The following NTRK2 variants were observed in gnomAD, a reference collection of about 807,000 sequenced individuals.
The protein encoded by NTRK2 is neurotrophic receptor tyrosine kinase 2.
Under a neutral mutation model 94.5 loss-of-function variants are expected in NTRK2, and 13 were observed. The observed-to-expected ratio is 0.14, with a 90% CI of 0.09 to 0.22. The LOEUF is 0.22. Among genes scored for constraint, NTRK2 ranks in the 10% least tolerant of loss-of-function variants. NTRK2 has a pLI of 1.00. For synonymous variants in NTRK2, 372 were observed against 407.4 expected, an observed-to-expected ratio of 0.91 and a Z score of 1.05; for missense variants, 639 against 1,071.2, an observed-to-expected ratio of 0.60 and a Z score of 5.63.
At chr9:84,891,248 AG>A (rs1436365004) in intron 14 of NTRK2, among the ~76,000 whole-genome samples, 1 of 144,904 alleles carries the variant, frequency 6.9e-6, no homozygotes, top group Non-Finnish European at 1.5e-5. Flanking sequence ...TTTTAAAAAA[AG>A]TGCCAGGCCT....
In NTRK2 at chr9:85,026,257, A is replaced by T. The variant is rs1055085752; in HGVS notation, c.*4820A>T. The T allele has an allele frequency of 8.6e-6, 2 of 231,232 alleles. No individual in the cohort carries two copies. Among genetic ancestry groups the T allele is most frequent in the Admixed American group, 5.6e-5 (1 of 17,716 alleles). 14.3% of individuals were successfully genotyped at this position (231,232 alleles called of 1,614,324 possible). On this transcript the variant is annotated 3_prime_UTR_variant, in exon 19 of 19. Coordinates refer to ENST00000277120, the MANE Select transcript of NTRK2 (RefSeq NM_006180.6). ...TACATCTCAGGAGACGAAATGAGAA[A>T]AGATGGGGATGTCATTTTTTAGTCT...
intron 14 of NTRK2, among the ~76,000 whole-genome samples, chr9:84,869,420 A>G (rs2075741935): frequency 6.6e-6 from 1 of 152,188 alleles, no homozygotes; most frequent in South Asian, 2.1e-4. Context: ...CCAGGCAACA[A>G]GTCACTATAC....
intron 17 of NTRK2, among the ~76,000 whole-genome samples, chr9:84,987,624 C>T (rs945357662): frequency 2.0e-5 from 3 of 152,060 alleles, no homozygotes; most frequent in Non-Finnish European, 4.4e-5. Context: ...AATTATTTTT[C>T]TTAGCAGAAG....
At position 84,876,416 on chromosome 9, in the gene NTRK2, A is replaced by G; in HGVS notation, c.1633+8985A>G. 3 of 1,054,638 alleles carry G rather than the reference A, an allele frequency of 2.8e-6. No individual in the cohort carries two copies. The South Asian group carries it at 1.4e-4, about 48-fold the overall frequency. 65.3% of individuals were successfully genotyped at this position (1,054,638 alleles called of 1,614,324 possible). A position where few individuals can be genotyped will look rare whatever the true frequency, so the allele number is the denominator to read the frequency against. ...ATCCATTTATGTTTTCATGCTCAAT[A>G]CTTACTCCCCTTCCCTGCAACACCC... On this transcript the variant is annotated intron_variant, in intron 14 of 18. Transcript: ENST00000277120.
intron 17 of NTRK2, among the ~76,000 whole-genome samples, chr9:84,960,548 TTGAC>T (rs1183182977): frequency 1.3e-5 from 2 of 152,222 alleles, no homozygotes; most frequent in Non-Finnish European, 2.9e-5. Context: ...GATAGATTGA[TTGAC>T]TGACTGATTG....
chr9:85,005,579 A>T (rs1274032991), intron 17 of NTRK2, among the ~76,000 whole-genome samples: 2 of 152,222 alleles, frequency 1.3e-5, no homozygotes, highest in African/African-American at 4.8e-5. Flanking sequence ...ACAGATACAG[A>T]TATAGACACA....
At chr9:84,789,510 CA>C (rs1286945457) in intron 12 of NTRK2, among the ~76,000 whole-genome samples, 6 of 152,154 alleles carry the variant, frequency 3.9e-5, no homozygotes, top group African/African-American at 1.4e-4. Context: ...CAAAGAAAGA[CA>C]AGTTTGAATG....
chr9:84,953,817 C>T (rs1823770450), intron 16 of NTRK2, among the ~76,000 whole-genome samples: 2 of 152,222 alleles, frequency 1.3e-5, no homozygotes, highest in Admixed American at 1.3e-4. Flanking sequence ...TTCCCAGGAT[C>T]ATGGCATTGG....
intron 2 of NTRK2, among the ~76,000 whole-genome samples, chr9:84,678,040 C>T (rs1388154927): frequency 6.6e-6 from 1 of 152,160 alleles, no homozygotes; most frequent in African/African-American, 2.4e-5. Flanking sequence ...ATTGTCTACA[C>T]ACACACACAT....
At chr9:84,962,653 T>G (rs1342890148) in intron 17 of NTRK2, among the ~76,000 whole-genome samples, 4 of 152,230 alleles carry the variant, frequency 2.6e-5, no homozygotes. Context: ...AGAAGGACTC[T>G]GATGCCTCAA....
chr9:84,686,736 A>G (rs1006925093), intron 2 of NTRK2, among the ~76,000 whole-genome samples: 1 of 152,204 alleles, frequency 6.6e-6, no homozygotes, highest in African/African-American at 2.4e-5. Context: ...TGAATGTTTC[A>G]TGGGGCTTCC....
chr9:85,000,909 TC>T (rs1465380527), intron 17 of NTRK2, among the ~76,000 whole-genome samples: 10 of 152,222 alleles, frequency 6.6e-5, no homozygotes, highest in African/African-American at 2.2e-4. Context: ...TTGCTCCACA[TC>T]CTCATCAACA....
At chr9:84,895,448 G>A (rs1429803970) in intron 14 of NTRK2, among the ~76,000 whole-genome samples, 1 of 152,162 alleles carries the variant, frequency 6.6e-6, no homozygotes, top group Non-Finnish European at 1.5e-5. Flanking sequence ...AAATCCTAGA[G>A]GAGAGACAGG....
intron 17 of NTRK2, among the ~76,000 whole-genome samples, chr9:84,998,442 C>A (rs1830004963): frequency 6.6e-6 from 1 of 152,190 alleles, no homozygotes; most frequent in Non-Finnish European, 1.5e-5. Context: ...TGTCTGGCTA[C>A]CAGCTCTTCT....
chr9:84,793,295 CA>C (rs112839690), intron 12 of NTRK2, among the ~76,000 whole-genome samples: 4 of 150,804 alleles, frequency 2.7e-5, no homozygotes, highest in Non-Finnish European at 4.4e-5. Flanking sequence ...GAAAACAATC[CA>C]AAAAAAAAAT....
At chr9:84,999,045 T>A (rs1380225555) in intron 17 of NTRK2, among the ~76,000 whole-genome samples, 1 of 152,234 alleles carries the variant, frequency 6.6e-6, no homozygotes, top group Non-Finnish European at 1.5e-5. Context: ...GCACACTCTT[T>A]AGTGCCTCCT....
Position 84,778,522 on chromosome 9 carries a change from G to T in NTRK2, c.1396+26437G>T, listed in dbSNP as rs189752117. ...TTGGACACAAGGTGCCTGCATCGTT[G>T]GTTGGACTGAGATCATGGTAAATCT... is the stretch of plus-strand genomic sequence containing the variant. On this transcript the variant is annotated intron_variant, in intron 12 of 18. Coordinates refer to ENST00000277120, the MANE Select transcript of NTRK2 (RefSeq NM_006180.6). 2.2e-3 allele frequency among the ~76,000 whole-genome samples: 330 copies of T among 152,298 alleles called. 2 individuals carry two copies. The highest frequency in any genetic ancestry group is 7.3e-3 in the South Asian group (35 of 4,818).
At chr9:84,835,038 A>G (rs897663419) in intron 12 of NTRK2, among the ~76,000 whole-genome samples, 1 of 152,080 alleles carries the variant, frequency 6.6e-6, no homozygotes, top group Non-Finnish European at 1.5e-5. Flanking sequence ...GGTAGGTGAT[A>G]TTCCTTTGGC....
rs141556206 is a variant in NTRK2, at chr9:84,971,576, G to A, written c.2172+16059G>A. 5.5e-4 allele frequency among the ~76,000 whole-genome samples: 84 copies of A among 152,354 alleles called. 2 individuals carry two copies. The East Asian group carries it at 0.015, about 28-fold the overall frequency. On this transcript the variant is annotated intron_variant, in intron 17 of 18. Transcript: ENST00000277120. ...TGGTAAAGGAGATGGCAGATGGCCA[G>A]TGTGCTGGACATAGAGCCCAAGGTG...
Sources: gnomAD v4.1 joint callset for allele counts (sites outside exome capture counted in the v4.1 genomes callset) on GRCh38, gnomAD v4.1.1 for gene constraint, MANE v1.5 for transcripts, NCBI Gene and HGNC (gene_info 2026-07-23, HGNC 2026-07-21) for gene names.